The following PCDH15 variants were observed in gnomAD, a reference collection of about 807,000 sequenced individuals.
PCDH15 encodes the protein protocadherin-15.
In PCDH15, 129 loss-of-function variants were observed where a neutral mutation model predicts 178.5. That is an observed-to-expected ratio of 0.72 (90% CI 0.63 to 0.84). The LOEUF is 0.84. Ranked by LOEUF, PCDH15 falls within the 40% of genes least tolerant of loss-of-function variation. The probability of loss-of-function intolerance (pLI) is 0.00; values close to 1 mark genes in which losing one functional copy is unlikely to be tolerated. For synonymous variants in PCDH15, 800 were observed against 732.0 expected, an observed-to-expected ratio of 1.09 and a Z score of -1.50; for missense variants, 2,230 against 2,099.9, an observed-to-expected ratio of 1.06 and a Z score of -1.21.
At chr10:54,112,072 G>T (rs1034911158) in intron 15 of PCDH15, among the ~76,000 whole-genome samples, 1 of 151,894 alleles carries the variant, frequency 6.6e-6, no homozygotes, top group African/African-American at 2.4e-5. Flanking sequence ...GAACCCAGGA[G>T]GTGGAGGTTG....
intron 2 of PCDH15, among the ~76,000 whole-genome samples, chr10:55,383,864 C>G (rs1331228691): frequency 1.3e-5 from 2 of 152,066 alleles, no homozygotes; most frequent in East Asian, 3.9e-4. Context: ...GATGTTTGCA[C>G]TAACTGGGGA....
chr10:54,224,820 C>T (rs1591282519), intron 9 of PCDH15, among the ~76,000 whole-genome samples: 1 of 152,088 alleles, frequency 6.6e-6, no homozygotes, highest in East Asian at 1.9e-4. Context: ...TTTGATAATT[C>T]TAAATGCAAA....
chr10:55,412,879 T>TCACACACA (rs71014485), intron 2 of PCDH15, among the ~76,000 whole-genome samples: 68 of 134,820 alleles, frequency 5.0e-4, no homozygotes, highest in African/African-American at 1.3e-3. Context: ...TCAACAATAA[T>TCACACACA]CACACACACA....
At chr10:54,300,152 G>A (rs1408342358) in intron 8 of PCDH15, among the ~76,000 whole-genome samples, 7 of 152,132 alleles carry the variant, frequency 4.6e-5, no homozygotes, top group Admixed American at 4.6e-4. Flanking sequence ...CTTCTTAGGG[G>A]AAGAGTGTTG....
At chr10:55,001,657 C>T (rs1311860800) in intron 2 of PCDH15, among the ~76,000 whole-genome samples, 1 of 152,168 alleles carries the variant, frequency 6.6e-6, no homozygotes, top group Non-Finnish European at 1.5e-5. Context: ...TGCTCACTCA[C>T]TCACACACCC....
intron 1 of PCDH15, among the ~76,000 whole-genome samples, chr10:55,269,163 G>T (rs1322488058): frequency 6.6e-6 from 1 of 152,000 alleles, no homozygotes; most frequent in African/African-American, 2.4e-5. Flanking sequence ...TGACAAACCT[G>T]CAGCCAACAC....
chr10:55,342,342 A>G (rs1844625484), intron 2 of PCDH15, among the ~76,000 whole-genome samples: 1 of 152,034 alleles, frequency 6.6e-6, no homozygotes, highest in African/African-American at 2.4e-5. Flanking sequence ...ATTTAAAAGT[A>G]GTTTATATAA....
chr10:54,411,024 T>A (rs1178056147), intron 3 of PCDH15, among the ~76,000 whole-genome samples: 1 of 152,140 alleles, frequency 6.6e-6, no homozygotes, highest in Non-Finnish European at 1.5e-5. Context: ...AGTTTAAGTA[T>A]GTGTCTCTGT....
chr10:54,064,375 T>G (rs1197670103), intron 18 of PCDH15, among the ~76,000 whole-genome samples: 1 of 152,074 alleles, frequency 6.6e-6, no homozygotes, highest in African/African-American at 2.4e-5. Flanking sequence ...GCAGGCCCGG[T>G]AAAAGCACCG....
At chr10:55,143,148 G>A (rs1364114911) in intron 2 of PCDH15, among the ~76,000 whole-genome samples, 5 of 152,098 alleles carry the variant, frequency 3.3e-5, no homozygotes, top group South Asian at 2.1e-4. Context: ...CTTCTGCCAC[G>A]ATTGTAAGTT....
chr10:54,282,100 T>C (rs1464977419), intron 8 of PCDH15, among the ~76,000 whole-genome samples: 1 of 152,152 alleles, frequency 6.6e-6, no homozygotes, highest in Non-Finnish European at 1.5e-5. Context: ...CCTGCATTTA[T>C]TCTTTTTAAA....
rs1457194674 is a variant in PCDH15, at chr10:55,596,212, T to C, written c.-156+31413A>G. Among the ~76,000 whole-genome samples the C allele has an allele frequency of 2.0e-5, 3 of 152,050 alleles. No individual in the cohort carries two copies. In the East Asian group the frequency reaches 5.8e-4, roughly 29 times the overall value. On this transcript the variant is annotated intron_variant, in intron 2 of 5. Transcript: ENST00000613346. ...ATTAAAAATAAAGCAAGAAAAATAA[T>C]GTAACACTTTATTGGCTTTGAGATA...
chr10:55,553,208 TA>T (rs777507518), intron 2 of PCDH15, among the ~76,000 whole-genome samples: 2,156 of 138,226 alleles, frequency 0.016, 37 homozygotes, highest in African/African-American at 0.046. Context: ...GCTAGGTTAA[TA>T]AAAAAAAAAA....
chr10:54,307,042 A>ATG (rs2060539635), intron 8 of PCDH15, among the ~76,000 whole-genome samples: 1 of 17,834 alleles, frequency 5.6e-5, no homozygotes. Context: ...GTGTGTGTGT[A>ATG]TATATATATA....
chr10:54,053,798 G>C (rs992311546), intron 18 of PCDH15, among the ~76,000 whole-genome samples: 4 of 152,144 alleles, frequency 2.6e-5, no homozygotes, highest in Non-Finnish European at 4.4e-5. Context: ...GTTAGTTAGA[G>C]ACATAATTCC....
At chr10:54,597,694 G>T (rs2092309162) in intron 2 of PCDH15, among the ~76,000 whole-genome samples, 1 of 152,036 alleles carries the variant, frequency 6.6e-6, no homozygotes, top group Admixed American at 6.6e-5. Flanking sequence ...ACGAAGCCAG[G>T]AGTTGACTTT....
intron 2 of PCDH15, among the ~76,000 whole-genome samples, chr10:55,159,304 A>C (rs1022117775): frequency 6.0e-5 from 9 of 149,706 alleles, no homozygotes; most frequent in African/African-American, 2.2e-4. Context: ...AGTTATATAT[A>C]TATCTCTTCA....
intron 2 of PCDH15, among the ~76,000 whole-genome samples, chr10:55,451,789 T>A (rs1228485416): frequency 1.3e-5 from 2 of 152,176 alleles, no homozygotes; most frequent in African/African-American, 4.8e-5. Context: ...ACAAAGTGTG[T>A]GCATGTACAC....
chr10:54,170,389 C>T (rs902829510), intron 13 of PCDH15, among the ~76,000 whole-genome samples: 3 of 152,010 alleles, frequency 2.0e-5, no homozygotes, highest in African/African-American at 7.3e-5. Context: ...TAGTCTAGCC[C>T]TCATGTCTGC....
Sources: gnomAD v4.1 joint callset for allele counts (sites outside exome capture counted in the v4.1 genomes callset) on GRCh38, gnomAD v4.1.1 for gene constraint, MANE v1.5 for transcripts, NCBI Gene and HGNC (gene_info 2026-07-23, HGNC 2026-07-21) for gene names.